TBX4: variants seen among roughly 807,000 people sequenced by gnomAD.
TBX4 encodes the protein T-box transcription factor 4.
TBX4 carries 13 observed loss-of-function variants against 54.6 expected under a neutral mutation model. That is an observed-to-expected ratio of 0.24 (90% CI 0.15 to 0.38). TBX4 has a LOEUF of 0.38. TBX4 is among the 10% of genes least tolerant of loss of function. TBX4 has a pLI of 1.00. For missense variants in TBX4, 631 were observed against 728.5 expected, an observed-to-expected ratio of 0.87 and a Z score of 1.54; for synonymous variants, 314 against 306.7, an observed-to-expected ratio of 1.02 and a Z score of -0.25.
intron 1 of TBX4, among the ~76,000 whole-genome samples, chr17:61,454,562 G>T (rs995208048): frequency 6.6e-6 from 1 of 152,268 alleles, no homozygotes; most frequent in African/African-American, 2.4e-5. Flanking sequence ...TGCTGGGAAG[G>T]GGGCAAGCTG....
Position 61,481,654 on chromosome 17 carries a change from C to G in TBX4, c.1022-1243C>G, listed in dbSNP as rs1569045642. 6.6e-6 allele frequency among the ~76,000 whole-genome samples: 1 copy of G among 152,198 alleles called. No individual in the cohort carries two copies. The highest frequency in any genetic ancestry group is 1.5e-5 in the Non-Finnish European group (1 of 68,044). On this transcript the variant is annotated intron_variant, in intron 8 of 8. Coordinates refer to ENST00000644296, the MANE Select transcript of TBX4 (RefSeq NM_001321120.2). This position sits in a 1 kb window ranked among gnomAD's most constrained non-coding sequence, Gnocchi z 4.8. Reference sequence around the variant, plus strand: ...AGCAGAGGCCTTCACACCCATTTAGCCCCTCTGCTTCCAGCCCCGTGGGTG... The same window carrying G: ...AGCAGAGGCCTTCACACCCATTTAGGCCCTCTGCTTCCAGCCCCGTGGGTG...
intron 5 of TBX4, among the ~76,000 whole-genome samples, chr17:61,471,615 A>G (rs1183289295): frequency 6.6e-6 from 1 of 151,200 alleles, no homozygotes; most frequent in Non-Finnish European, 1.5e-5. Context: ...AAAAGGTAGC[A>G]TACTATAGAA....
chr17:61,477,408 C>A (rs1261520328), intron 5 of TBX4, among the ~76,000 whole-genome samples: 2 of 152,248 alleles, frequency 1.3e-5, no homozygotes, highest in African/African-American at 4.8e-5. Context: ...CTTTGCTAAG[C>A]TTTGTCCAGC....
chr17:61,475,856 C>A lies in TBX4; in HGVS notation c.550-2771C>A, dbSNP rs918170257. The stretch of plus-strand genomic sequence containing the variant: ...GGAGAGCTAGAGTGACTGGGGGAGG[C>A]CTTCATGCCAAGGAGCTGGCACATC... On this transcript the variant is annotated intron_variant, in intron 5 of 8. Transcript: ENST00000644296. The surrounding 1 kb of genome is among the most constrained non-coding windows in gnomAD (Gnocchi z 5.0). 1.1e-4 allele frequency among the ~76,000 whole-genome samples: 16 copies of A among 152,170 alleles called. No individual in the cohort carries two copies. Among genetic ancestry groups the A allele is most frequent in the Admixed American group, 9.2e-4 (14 of 15,278 alleles).
rs186132413 is a variant in TBX4 at position 61,460,020 on chromosome 17, C to T, written c.281+2389C>T. Among the ~76,000 whole-genome samples, 47 of 152,292 alleles carry T rather than the reference C, an allele frequency of 3.1e-4. No individual in the cohort carries two copies. The East Asian group carries it at 8.5e-3, about 28-fold the overall frequency. On this transcript the variant is annotated intron_variant, in intron 3 of 8. Transcript: ENST00000644296. The surrounding 1 kb of genome is among the most constrained non-coding windows in gnomAD (Gnocchi z 4.4). ...CTCTACTGGAACCCTTCTTGGTACA[C>T]GTCCATTTGTCAGCCTGGGCCCTGC...
At position 61,480,435 on chromosome 17, in the gene TBX4, T is replaced by A; in HGVS notation, c.1021+116T>A. On this transcript the variant is annotated intron_variant, in intron 8 of 8. Transcript: ENST00000644296. This position sits in a 1 kb window ranked among gnomAD's most constrained non-coding sequence, Gnocchi z 6.2. Reference sequence around the variant, plus strand: ...CACACACACTCATCTCGTGCTTGTGTGGCCTGGGAGAGTGGGCCTGAAGGG... The same window carrying A: ...CACACACACTCATCTCGTGCTTGTGAGGCCTGGGAGAGTGGGCCTGAAGGG... The A allele has an allele frequency of 2.0e-6, 2 of 980,846 alleles. No homozygotes were observed. Among genetic ancestry groups the A allele is most frequent in the Non-Finnish European group, 3.1e-6 (2 of 642,554 alleles). The allele number at this position is 980,846 out of a possible 1,614,324, so 60.8% of individuals were successfully genotyped here. A position where few individuals can be genotyped will look rare whatever the true frequency, so the allele number is the denominator to read the frequency against.
Position 61,462,481 on chromosome 17 carries a change from G to C in TBX4, c.282-3338G>C, listed in dbSNP as rs975908357. Reference sequence around the variant, plus strand: ...CACGTGGAAAGCGTGCCGAGGGGCTGGGAAGAGGGAGGGACAGGAGGACGG... The same window carrying C: ...CACGTGGAAAGCGTGCCGAGGGGCTCGGAAGAGGGAGGGACAGGAGGACGG... On this transcript the variant is annotated intron_variant, in intron 3 of 8. Transcript: ENST00000644296. The surrounding 1 kb of genome is among the most constrained non-coding windows in gnomAD (Gnocchi z 4.5). Among the ~76,000 whole-genome samples, 4 of 152,040 alleles carry C rather than the reference G, an allele frequency of 2.6e-5. No individual in the cohort carries two copies. The highest frequency in any genetic ancestry group is 5.9e-5 in the Non-Finnish European group (4 of 68,002).
At position 61,479,854 on chromosome 17, in the gene TBX4, G is replaced by T. The variant is rs2060650646; in HGVS notation, c.703-27G>T. 1 of 1,609,998 alleles carries T rather than the reference G, an allele frequency of 6.2e-7. No individual in the cohort carries two copies. The highest frequency in any genetic ancestry group is 1.3e-5 in the African/African-American group (1 of 74,834). ...AGACACATTTGTGTGCCTCACACTG[G>T]TGACCCTATGTGTTTTCTCCCCACA... On this transcript the variant is annotated intron_variant, in intron 6 of 8. Transcript: ENST00000644296. This position sits in a 1 kb window ranked among gnomAD's most constrained non-coding sequence, Gnocchi z 6.1.
At chr17:61,466,477 T>G (rs1280044344) in intron 4 of TBX4, among the ~76,000 whole-genome samples, 1 of 152,060 alleles carries the variant, frequency 6.6e-6, no homozygotes, top group African/African-American at 2.4e-5. Flanking sequence ...CTGGGAGACA[T>G]AGAGAGGTAA....
At position 61,457,755 on chromosome 17, in the gene TBX4, C is replaced by A; in HGVS notation, c.281+124C>A. 1.1e-6 allele frequency: 1 copy of A among 887,750 alleles called. No individual in the cohort carries two copies. The highest frequency in any genetic ancestry group is 1.8e-6 in the Non-Finnish European group (1 of 565,936). The allele number at this position is 887,750 out of a possible 1,614,324, so 55.0% of individuals were successfully genotyped here. ...TGGGAGGCCTCTCTGCCTCCTCGGG[C>A]GTCAGTGCCACCTCCCTTCGCAGCT... On this transcript the variant is annotated intron_variant, in intron 3 of 8. Coordinates refer to ENST00000644296, the MANE Select transcript of TBX4 (RefSeq NM_001321120.2). This position sits in a 1 kb window ranked among gnomAD's most constrained non-coding sequence, Gnocchi z 8.2.
chr17:61,477,864 C>T lies in TBX4; in HGVS notation c.550-763C>T, dbSNP rs137976512. Among the ~76,000 whole-genome samples the T allele has an allele frequency of 5.1e-3, 763 of 150,250 alleles. 9 individuals are homozygous for T. Among genetic ancestry groups the T allele is most frequent in the African/African-American group, 0.018 (723 of 40,866 alleles). On this transcript the variant is annotated intron_variant, in intron 5 of 8. Transcript: ENST00000644296. ...GCTGAGGTACGAGAATCGCTTGAAC[C>T]CAGGAAGTAGAGGTTGCAGTGAGCC...
intron 5 of TBX4, among the ~76,000 whole-genome samples, chr17:61,469,620 G>A (rs747908656): frequency 1.3e-5 from 2 of 152,194 alleles, no homozygotes; most frequent in Non-Finnish European, 2.9e-5. Context: ...CTGCTTCCAG[G>A]TCCAGTGTCT....
Position 61,474,557 on chromosome 17 carries a change from T to A in TBX4, c.550-4070T>A, listed in dbSNP as rs1441964271. Among the ~76,000 whole-genome samples, 2 of 152,226 alleles carry A rather than the reference T, an allele frequency of 1.3e-5. No individual in the cohort carries two copies. Among genetic ancestry groups the A allele is most frequent in the Non-Finnish European group, 2.9e-5 (2 of 68,040 alleles). On this transcript the variant is annotated intron_variant, in intron 5 of 8. Transcript: ENST00000644296. This position sits in a 1 kb window ranked among gnomAD's most constrained non-coding sequence, Gnocchi z 4.6. ...TCTGGGCTTTATTGGCCAAGCACGC[T>A]ATGGCGATCTCTTGAGGAGAGGGAT...
At chr17:61,455,958 TG>T (rs1316772718) in intron 1 of TBX4, among the ~76,000 whole-genome samples, 7 of 152,110 alleles carry the variant, frequency 4.6e-5, no homozygotes, top group Non-Finnish European at 8.8e-5. Flanking sequence ...TGAGGGCAGA[TG>T]GGTGAGCTGG....
chr17:61,483,138 G>A lies in TBX4; in HGVS notation c.1263G>A (p.Trp421Ter), dbSNP rs138356325. 1 of 1,614,160 alleles carries A rather than the reference G, an allele frequency of 6.2e-7. No homozygotes were observed. The highest frequency in any genetic ancestry group is 8.5e-7 in the Non-Finnish European group (1 of 1,180,036). Residue 421 changes from tryptophan (W) to a stop codon, truncating the protein, a stop_gained, in exon 9 of 9, where the codon TGG becomes TGA. Transcript: ENST00000644296. LOFTEE classifies it high-confidence loss of function. This position sits in a 1 kb window ranked among gnomAD's most constrained non-coding sequence, Gnocchi z 6.6. ...LPPPPLSCNM[W>*]TSVSPYTSYS... ...CACCTCCGCTGAGCTGTAACATGTG[G>A]ACTTCAGTGTCGCCGTACACCAGCT...
At position 61,479,191 on chromosome 17, in the gene TBX4, G is replaced by A. The variant is rs1325486846; in HGVS notation, c.702+412G>A. On this transcript the variant is annotated intron_variant, in intron 6 of 8. Transcript: ENST00000644296. The surrounding 1 kb of genome is among the most constrained non-coding windows in gnomAD (Gnocchi z 6.1). ...CTGGGGTGCTGTCAGCTGGGGTGTGGAAGCAGAGCCTGAGCGGAGGCCCTT... is the reference window on the plus strand; with the variant it reads ...CTGGGGTGCTGTCAGCTGGGGTGTGAAAGCAGAGCCTGAGCGGAGGCCCTT... Among the ~76,000 whole-genome samples, 2 of 152,142 alleles carry A rather than the reference G, an allele frequency of 1.3e-5. No individual in the cohort carries two copies. Among genetic ancestry groups the A allele is most frequent in the Non-Finnish European group, 2.9e-5 (2 of 68,012 alleles).
chr17:61,478,910 G>A lies in TBX4; in HGVS notation c.702+131G>A. ...GGGCAGGCCCAGTGCAGGGACCTCA[G>A]AAGCCTAGAGTCCCTCGGAGCCGCG... On this transcript the variant is annotated intron_variant, in intron 6 of 8. Coordinates refer to ENST00000644296, the MANE Select transcript of TBX4 (RefSeq NM_001321120.2). The surrounding 1 kb of genome is among the most constrained non-coding windows in gnomAD (Gnocchi z 7.4). 7.0e-7 allele frequency: 1 copy of A among 1,421,178 alleles called. No homozygotes were observed. The highest frequency in any genetic ancestry group is 9.9e-7 in the Non-Finnish European group (1 of 1,011,506). The allele number at this position is 1,421,178 out of a possible 1,614,324, so 88.0% of individuals were successfully genotyped here.
intron 4 of TBX4, among the ~76,000 whole-genome samples, chr17:61,466,714 C>T (rs1168688344): frequency 6.6e-6 from 1 of 152,254 alleles, no homozygotes; most frequent in Non-Finnish European, 1.5e-5. Flanking sequence ...TGTTTCTTCT[C>T]CCTCTCTGGG....
chr17:61,465,946 G>A lies in TBX4; in HGVS notation c.401+8G>A. The A allele has an allele frequency of 6.2e-7, 1 of 1,613,754 alleles. No homozygotes were observed. The highest frequency in any genetic ancestry group is 8.5e-7 in the Non-Finnish European group (1 of 1,179,766). ...GTTCTGTGACAACAAATGGTAAGTG[G>A]ACCCTGACCGCATCACCCACGTTCC... On this transcript the variant is annotated splice_region_variant and intron_variant, in intron 4 of 8. Transcript: ENST00000644296. The surrounding 1 kb of genome is among the most constrained non-coding windows in gnomAD (Gnocchi z 4.9).
Sources: gnomAD v4.1 joint callset for allele counts (sites outside exome capture counted in the v4.1 genomes callset) on GRCh38, gnomAD v4.1.1 for gene constraint, Gnocchi (gnomAD v3.1) non-coding constraint, MANE v1.5 for transcripts, NCBI Gene and HGNC (gene_info 2026-07-23, HGNC 2026-07-21) for gene names.